The following DSTYK variants were observed in gnomAD, a reference collection of about 807,000 sequenced individuals.
The protein encoded by DSTYK is dual serine/threonine and tyrosine protein kinase.
In DSTYK, 34 loss-of-function variants were observed where a neutral mutation model predicts 98.7. The observed-to-expected ratio is 0.34, with a 90% CI of 0.26 to 0.46. DSTYK has a LOEUF of 0.46. Ranked by LOEUF, DSTYK falls within the 20% of genes least tolerant of loss-of-function variation. The pLI, the probability that DSTYK is intolerant of heterozygous loss-of-function variation, is 1.00. For synonymous variants in DSTYK, 462 were observed against 457.3 expected (o/e 1.01, Z -0.13); for missense variants, 962 against 1,181.7 (o/e 0.81, Z 2.73).
At chr1:205,201,871 C>T (rs1457320875) in intron 1 of DSTYK, among the ~76,000 whole-genome samples, 1 of 152,094 alleles carries the variant, frequency 6.6e-6, no homozygotes, top group East Asian at 1.9e-4. Context: ...ACCAGCCTGA[C>T]CAACATGGTG....
intron 2 of DSTYK, among the ~76,000 whole-genome samples, chr1:205,185,866 T>A (rs191394492): frequency 5.3e-5 from 8 of 151,834 alleles, no homozygotes; most frequent in Non-Finnish European, 7.4e-5. Context: ...CTACTAAAAT[T>A]ACAAAAATTA....
chr1:205,154,969 A>AATTTATTTATTT lies in DSTYK; in HGVS notation c.2352+2292_2352+2303dup, dbSNP rs34240202. Among the ~76,000 whole-genome samples, 274 of 147,888 alleles carry AATTTATTTATTT rather than the reference A, an allele frequency of 1.9e-3. 1 individual carries two copies. Among genetic ancestry groups the AATTTATTTATTT allele is most frequent in the African/African-American group, 3.8e-3 (153 of 40,322 alleles). On this transcript the variant is annotated intron_variant, in intron 10 of 12. Transcript: ENST00000367162. ...ATGACTCAGGGTATCTGGTGGAAGA[A>AATTTATTTATTT]ATTTATTTATTTATTTATTTATTTA...
At chr1:205,176,272 G>A (rs903972882) in intron 2 of DSTYK, among the ~76,000 whole-genome samples, 3 of 152,006 alleles carry the variant, frequency 2.0e-5, no homozygotes, top group African/African-American at 7.2e-5. Context: ...GAGGTTGGGA[G>A]TTCAAGACCA....
intron 2 of DSTYK, among the ~76,000 whole-genome samples, chr1:205,184,565 C>G (rs115706634): frequency 0.061 from 9,224 of 152,130 alleles, 430 homozygotes; most frequent in South Asian, 0.13. Flanking sequence ...GAGTGAGACT[C>G]CATCTCAAAA....
chr1:205,149,284 C>T (rs1315047886), intron 11 of DSTYK, among the ~76,000 whole-genome samples: 1 of 151,962 alleles, frequency 6.6e-6, no homozygotes, highest in Non-Finnish European at 1.5e-5. Context: ...ACGACTACAG[C>T]TGTCTCACTA....
intron 1 of DSTYK, among the ~76,000 whole-genome samples, chr1:205,199,704 A>G (rs1040199784): frequency 6.6e-6 from 1 of 152,094 alleles, no homozygotes; most frequent in Non-Finnish European, 1.5e-5. Context: ...CGCCCTCTGT[A>G]GTCTTGTTAT....
chr1:205,158,172 C>G (rs1302426010), intron 9 of DSTYK, among the ~76,000 whole-genome samples: 1 of 152,180 alleles, frequency 6.6e-6, no homozygotes, highest in Admixed American at 6.5e-5. Context: ...TTCTCTAGCT[C>G]ACTTGTGGAA....
chr1:205,159,428 C>G, intron 9 of DSTYK, 119 bp downstream of exon 9: 4 of 1,250,616 alleles, frequency 3.2e-6, no homozygotes, highest in Non-Finnish European at 4.3e-6. Flanking sequence ...GTGAAATAAA[C>G]CCTAATTACT....
At chr1:205,161,122 T>C in intron 7 of DSTYK, 136 bp downstream of exon 7, 1 of 1,149,372 alleles carries the variant, frequency 8.7e-7, no homozygotes, top group African/African-American at 1.6e-5. Context: ...ACTTTAGGAA[T>C]TCAAAAACAT....
In DSTYK at chr1:205,171,425, T is replaced by C. The variant is rs538886132; in HGVS notation, c.655-1593A>G. ...GAGATCGCCCCACTGCACTCCAGCT[T>C]GGGCGACAAAGCAAGACTCTGTCTC... On this transcript the variant is annotated intron_variant, in intron 2 of 12. Coordinates refer to ENST00000367162, the MANE Select transcript of DSTYK (RefSeq NM_015375.3). Among the ~76,000 whole-genome samples the C allele has an allele frequency of 2.5e-3, 369 of 148,738 alleles. 3 individuals carry two copies. The highest frequency in any genetic ancestry group is 8.7e-3 in the African/African-American group (350 of 40,196).
chr1:205,197,997 C>T (rs1349695545), intron 1 of DSTYK, among the ~76,000 whole-genome samples: 5 of 152,088 alleles, frequency 3.3e-5, no homozygotes, highest in African/African-American at 1.2e-4. Flanking sequence ...AGTTTGAGAC[C>T]AGCCTGACCA....
intron 1 of DSTYK, among the ~76,000 whole-genome samples, chr1:205,189,877 G>C (rs750391280): frequency 3.9e-5 from 6 of 152,164 alleles, no homozygotes; most frequent in Non-Finnish European, 8.8e-5. Flanking sequence ...AGTTAACTAA[G>C]TATATAATTC....
At chr1:205,192,705 T>C (rs1658746791) in intron 1 of DSTYK, among the ~76,000 whole-genome samples, 2 of 151,894 alleles carry the variant, frequency 1.3e-5, no homozygotes, top group African/African-American at 4.8e-5. Context: ...CTACTAGAAA[T>C]ATAAAAACTA....
chr1:205,165,615 T>A (rs1657863980), intron 3 of DSTYK, among the ~76,000 whole-genome samples: 1 of 152,170 alleles, frequency 6.6e-6, no homozygotes, highest in Non-Finnish European at 1.5e-5. Flanking sequence ...CAGAGGAAAT[T>A]TGGCAATATC....
chr1:205,199,129 C>T (rs1658953267), intron 1 of DSTYK, among the ~76,000 whole-genome samples: 1 of 152,024 alleles, frequency 6.6e-6, no homozygotes, highest in African/African-American at 2.4e-5. Context: ...AAGTGAAAAG[C>T]AAAACAATCC....
chr1:205,198,531 C>T (rs573905733), intron 1 of DSTYK, among the ~76,000 whole-genome samples: 5 of 152,170 alleles, frequency 3.3e-5, no homozygotes, highest in East Asian at 1.9e-4. Flanking sequence ...ACCTAGATAT[C>T]GCCATAATAT....
chr1:205,149,207 T>TG (rs1178404742), intron 11 of DSTYK, among the ~76,000 whole-genome samples: 105 of 149,730 alleles, frequency 7.0e-4, no homozygotes, highest in Middle Eastern at 3.4e-3. Flanking sequence ...GGCCGAAAGT[T>TG]TTTTTTTTTT....
chr1:205,163,224 TTTTTTTA>T (rs1299224064), intron 4 of DSTYK, among the ~76,000 whole-genome samples: 1 of 151,832 alleles, frequency 6.6e-6, no homozygotes, highest in Admixed American at 6.6e-5. Flanking sequence ...TTTTTATTTT[TTTTTTTA>T]TTTTTTAGAC....
At position 205,143,712 on chromosome 1, in the gene DSTYK, G is replaced by A. The variant is rs532115481; in HGVS notation, c.*3846C>T. On this transcript the variant is annotated 3_prime_UTR_variant, in exon 13 of 13. Coordinates refer to ENST00000367162, the MANE Select transcript of DSTYK (RefSeq NM_015375.3). ...CACTTTGCAGCCCTGCAACCCCGAG[G>A]CACTTCTTCCATGAGGAAGAACACT... is the stretch of plus-strand genomic sequence containing the variant. 2.6e-5 allele frequency: 4 copies of A among 152,658 alleles called. No homozygotes were observed. In the East Asian group the frequency reaches 7.7e-4, roughly 29 times the overall value. The allele number at this position is 152,658 out of a possible 1,614,324, so 9.5% of individuals were successfully genotyped here.
Sources: gnomAD v4.1 joint callset for allele counts (sites outside exome capture counted in the v4.1 genomes callset) on GRCh38, gnomAD v4.1.1 for gene constraint, MANE v1.5 for transcripts, NCBI Gene and HGNC (gene_info 2026-07-23, HGNC 2026-07-21) for gene names.